Variants in CD80 observed in about 807,000 individuals in gnomAD.
CD80 encodes CD80 molecule, also known as T-lymphocyte activation antigen CD80.
Under a neutral mutation model 27.1 loss-of-function variants are expected in CD80, and 13 were observed. That is an observed-to-expected ratio of 0.48 (90% CI 0.31 to 0.76). CD80 has a LOEUF of 0.76. Among genes scored for constraint, CD80 ranks in the 30% least tolerant of loss-of-function variants. CD80 has a pLI of 0.04. For synonymous variants in CD80, 125 were observed against 125.5 expected (o/e 1.00, Z 0.03); for missense variants, 277 against 347.9 (o/e 0.80, Z 1.62).
At chr3:119,536,334 T>A (rs113950907) in intron 4 of CD80, among the ~76,000 whole-genome samples, 22 of 152,254 alleles carry the variant, frequency 1.4e-4, no homozygotes, top group African/African-American at 4.1e-4. Context: ...ATTTATTTTT[T>A]AAATTATTTT....
intron 4 of CD80, among the ~76,000 whole-genome samples, chr3:119,530,896 A>G (rs1318468695): frequency 6.6e-6 from 1 of 152,270 alleles, no homozygotes; most frequent in African/African-American, 2.4e-5. Context: ...AATAAAGCAA[A>G]AGGATACGAC....
chr3:119,528,987 G>T, intron 5 of CD80, among the ~76,000 whole-genome samples: 1 of 151,224 alleles, frequency 6.6e-6, no homozygotes, highest in East Asian at 2.0e-4. Flanking sequence ...TGTCACCCAG[G>T]CTGGAGTGCA....
intron 3 of CD80, among the ~76,000 whole-genome samples, chr3:119,538,753 T>C (rs1044594995): frequency 1.3e-5 from 2 of 152,136 alleles, no homozygotes; most frequent in Middle Eastern, 3.2e-3. Context: ...AGAACTTTCG[T>C]TGGAAAGGGT....
At chr3:119,541,877 C>T (rs566498084) in intron 3 of CD80, among the ~76,000 whole-genome samples, 45 of 152,214 alleles carry the variant, frequency 3.0e-4, no homozygotes, top group Middle Eastern at 3.4e-3. Context: ...TGGTCTCTTA[C>T]GGTAATCTGC....
Position 119,525,902 on chromosome 3 carries a change from TA to T in CD80, c.*39-154del, listed in dbSNP as rs1380507263. ...ATTTAATTATATATGTATATATATA[TA>T]TTTTAAATATAAGATCTTAATTTTA... On this transcript the variant is annotated intron_variant, in intron 6 of 6. Coordinates refer to ENST00000264246, the MANE Select transcript of CD80 (RefSeq NM_005191.4). Among the ~76,000 whole-genome samples, 229 of 148,318 alleles carry T rather than the reference TA, an allele frequency of 1.5e-3. 1 individual carries two copies. Among genetic ancestry groups the T allele is most frequent in the African/African-American group, 5.2e-3 (213 of 40,942 alleles).
intron 3 of CD80, among the ~76,000 whole-genome samples, chr3:119,537,779 G>A (rs959794582): frequency 5.3e-5 from 8 of 152,190 alleles, no homozygotes; most frequent in African/African-American, 1.9e-4. Context: ...TCCAGCCTGG[G>A]CAAAAGAGCA....
In CD80 at chr3:119,557,610, GT is replaced by G; in HGVS notation, c.100+18del. 6.3e-7 allele frequency: 1 copy of G among 1,588,754 alleles called. No homozygotes were observed. The highest frequency in any genetic ancestry group is 8.6e-7 in the Non-Finnish European group (1 of 1,158,064). ...ACCCTGTAGCAGTTGACTCAGTTAA[GT>G]TCCTGAAAGTTGCTTACCTGAACAG... On this transcript the variant is annotated intron_variant, in intron 2 of 6. Coordinates refer to ENST00000264246, the MANE Select transcript of CD80 (RefSeq NM_005191.4).
At chr3:119,536,747 T>C (rs2082140348) in intron 4 of CD80, among the ~76,000 whole-genome samples, 1 of 152,262 alleles carries the variant, frequency 6.6e-6, no homozygotes, top group Non-Finnish European at 1.5e-5. Context: ...CTGGCTGAGT[T>C]ACAGTAATGT....
chr3:119,542,990 T>C (rs1318082317), intron 3 of CD80, among the ~76,000 whole-genome samples: 1 of 152,052 alleles, frequency 6.6e-6, no homozygotes, highest in African/African-American at 2.4e-5. Flanking sequence ...TCTGATCTTG[T>C]GGCCCCCCAA....
intron 2 of CD80, among the ~76,000 whole-genome samples, chr3:119,551,604 A>G (rs1184427735): frequency 6.6e-6 from 1 of 152,200 alleles, no homozygotes; most frequent in Non-Finnish European, 1.5e-5. Context: ...CCCAGCCTCC[A>G]GAACAGTAAG....
chr3:119,529,867 A>T lies in CD80; in HGVS notation c.771T>A (p.Ile257=). The change falls in exon 5 of 7, where the codon ATT becomes ATA. Residue 257 remains isoleucine, a synonymous_variant. Coordinates refer to ENST00000264246, the MANE Select transcript of CD80 (RefSeq NM_005191.4). The part of the protein sequence containing the change: ...WAITLISVNG[I]FVICCLTYCF... ...AGTAGGTCAGGCAGCATATCACAAA[A>T]ATTCCATTTACTGAGATTAAGGTAA... 2 of 1,613,208 alleles carry T rather than the reference A, an allele frequency of 1.2e-6. No individual in the cohort carries two copies. The highest frequency in any genetic ancestry group is 1.7e-6 in the Non-Finnish European group (2 of 1,179,180).
At chr3:119,535,358 T>G (rs1035670536) in intron 4 of CD80, among the ~76,000 whole-genome samples, 2 of 152,216 alleles carry the variant, frequency 1.3e-5, no homozygotes, top group African/African-American at 4.8e-5. Flanking sequence ...TATACTTATG[T>G]GCAACTGTAT....
chr3:119,531,692 T>G (rs1021631458), intron 4 of CD80, among the ~76,000 whole-genome samples: 3 of 148,014 alleles, frequency 2.0e-5, no homozygotes, highest in Non-Finnish European at 3.0e-5. Context: ...GGACTTTCAC[T>G]GTGTTTCCCA....
chr3:119,537,574 G>A (rs2082146201), intron 3 of CD80, among the ~76,000 whole-genome samples, 156 bp from the exon 4 acceptor site: 1 of 152,180 alleles, frequency 6.6e-6, no homozygotes, highest in South Asian at 2.1e-4. Context: ...GGCCGAGGCA[G>A]GTGGAACACC....
At chr3:119,552,730 G>A (rs889650519) in intron 2 of CD80, among the ~76,000 whole-genome samples, 1 of 152,048 alleles carries the variant, frequency 6.6e-6, no homozygotes. Context: ...ATATTATTTG[G>A]CCGTAAAAGC....
rs2082057491 is a variant in CD80 at position 119,525,165 on chromosome 3, T to C, written c.*623A>G. The C allele has an allele frequency of 6.6e-6, 1 of 152,098 alleles. No homozygotes were observed. Among genetic ancestry groups the C allele is most frequent in the Admixed American group, 6.6e-5 (1 of 15,256 alleles). 9.4% of individuals were successfully genotyped at this position (152,098 alleles called of 1,614,324 possible). ...TCATGGGGGAGTGAGAGAGCAGCAA[T>C]AGAGAACACAATGAAAAAAATGGAA... On this transcript the variant is annotated 3_prime_UTR_variant, in exon 7 of 7. Coordinates refer to ENST00000264246, the MANE Select transcript of CD80 (RefSeq NM_005191.4).
At position 119,544,700 on chromosome 3, in the gene CD80, G is replaced by A. The variant is rs761204102; in HGVS notation, c.268C>T (p.Arg90Trp). 31 of 1,614,156 alleles carry A rather than the reference G, an allele frequency of 1.9e-5. No homozygotes were observed. The highest frequency in any genetic ancestry group is 1.3e-4 in the Admixed American group (8 of 60,014). ...TTATTAGTGATATCAAAGATGGTCC[G>A]GTTCTTGTACTCGGGCCATATATTC... is the stretch of plus-strand genomic sequence containing the variant. ...DMNIWPEYKN[R>W]TIFDITNNLS... is the part of the protein sequence containing the mutation. Residue 90 changes from arginine (R) to tryptophan (W), a missense_variant, in exon 3 of 7, where the codon CGG becomes TGG. By Grantham distance (101) the Arg-to-Trp change is moderately radical (BLOSUM62 -3). Coordinates refer to ENST00000264246, the MANE Select transcript of CD80 (RefSeq NM_005191.4).
intron 6 of CD80, 81 bp from the exon 7 acceptor site, chr3:119,525,830 TTATACA>T (rs1234237811): frequency 6.8e-6 from 1 of 148,086 alleles, no homozygotes; most frequent in Non-Finnish European, 1.5e-5. Flanking sequence ...ATATATTAAA[TTATACA>T]TATATAATTT....
intron 2 of CD80, among the ~76,000 whole-genome samples, chr3:119,556,217 A>T (rs1292302176): frequency 6.6e-6 from 1 of 152,208 alleles, no homozygotes; most frequent in East Asian, 1.9e-4. Context: ...GTGCTTTCCT[A>T]AACATCTTTC....
Sources: gnomAD v4.1 joint callset for allele counts (sites outside exome capture counted in the v4.1 genomes callset) on GRCh38, gnomAD v4.1.1 for gene constraint, MANE v1.5 for transcripts, NCBI Gene and HGNC (gene_info 2026-07-23, HGNC 2026-07-21) for gene names.